The following PLCH1 variants were observed in gnomAD, a reference collection of about 807,000 sequenced individuals.
The protein encoded by PLCH1 is phospholipase C eta 1, also known as 1-phosphatidylinositol 4,5-bisphosphate phosphodiesterase eta-1.
A neutral mutation model predicts 126.7 loss-of-function variants in PLCH1; 60 were observed. That is an observed-to-expected ratio of 0.47 (90% CI 0.38 to 0.59). The LOEUF (loss-of-function observed/expected upper bound fraction) is 0.59, where lower values mean the gene tolerates loss of function less well. Ranked by LOEUF, PLCH1 falls within the 20% of genes least tolerant of loss-of-function variation. The pLI, the probability that PLCH1 is intolerant of heterozygous loss-of-function variation, is 0.00. For synonymous variants in PLCH1, 719 were observed against 734.9 expected (o/e 0.98, Z 0.35); for missense variants, 1,723 against 2,040.0 (o/e 0.84, Z 2.99).
intron 2 of PLCH1, among the ~76,000 whole-genome samples, chr3:155,680,746 A>C (rs554923730): frequency 2.0e-5 from 3 of 152,358 alleles, no homozygotes; most frequent in South Asian, 4.1e-4. Flanking sequence ...CAGAAATATA[A>C]AAATCTATAT....
intron 10 of PLCH1, among the ~76,000 whole-genome samples, chr3:155,546,919 C>G (rs1467104868): frequency 7.4e-6 from 1 of 134,988 alleles, no homozygotes; most frequent in African/African-American, 2.7e-5. Context: ...AACGTTAGAC[C>G]TAAAACCATA....
intron 2 of PLCH1, among the ~76,000 whole-genome samples, chr3:155,701,710 A>G (rs1227324384): frequency 1.3e-5 from 2 of 152,156 alleles, no homozygotes; most frequent in African/African-American, 4.8e-5. Flanking sequence ...TTTTCTCAGA[A>G]ATGTTCTGAA....
intron 2 of PLCH1, among the ~76,000 whole-genome samples, chr3:155,642,359 C>T (rs1046194508): frequency 1.3e-5 from 2 of 152,080 alleles, no homozygotes; most frequent in African/African-American, 2.4e-5. Context: ...GCAGACTCTC[C>T]CACACTGTCT....
At chr3:155,657,333 T>C (rs1741525515) in intron 2 of PLCH1, among the ~76,000 whole-genome samples, 1 of 152,066 alleles carries the variant, frequency 6.6e-6, no homozygotes, top group African/African-American at 2.4e-5. Flanking sequence ...AAGGGGAACC[T>C]AGGAAGAGAT....
At chr3:155,573,529 A>T (rs1179670922) in intron 6 of PLCH1, among the ~76,000 whole-genome samples, 1 of 152,150 alleles carries the variant, frequency 6.6e-6, no homozygotes, top group Non-Finnish European at 1.5e-5. Flanking sequence ...CCTCACCCAC[A>T]TGTCTGTGGT....
chr3:155,515,888 A>T (rs548589281), intron 11 of PLCH1, among the ~76,000 whole-genome samples: 1 of 152,224 alleles, frequency 6.6e-6, no homozygotes, highest in Non-Finnish European at 1.5e-5. Context: ...TCCATTTGCA[A>T]ATCTATTTCT....
chr3:155,641,448 C>A (rs1739392473), intron 2 of PLCH1, among the ~76,000 whole-genome samples: 1 of 151,894 alleles, frequency 6.6e-6, no homozygotes, highest in Admixed American at 6.6e-5. Flanking sequence ...GGAGAGAGGT[C>A]CTCATCAAAA....
intron 8 of PLCH1, among the ~76,000 whole-genome samples, chr3:155,555,789 A>G (rs1297763954): frequency 6.6e-6 from 1 of 152,140 alleles, no homozygotes; most frequent in Non-Finnish European, 1.5e-5. Context: ...CAAAACTAGG[A>G]TCCCCCACAG....
chr3:155,644,662 T>A (rs116890769), intron 2 of PLCH1, among the ~76,000 whole-genome samples: 2 of 152,088 alleles, frequency 1.3e-5, no homozygotes, highest in East Asian at 3.9e-4. Flanking sequence ...AAGCATGCAG[T>A]TAAAGAAACA....
chr3:155,675,143 T>C (rs1243663345), intron 2 of PLCH1, among the ~76,000 whole-genome samples: 1 of 152,184 alleles, frequency 6.6e-6, no homozygotes, highest in Non-Finnish European at 1.5e-5. Context: ...ACTGGGAACA[T>C]GGCACATTAA....
intron 6 of PLCH1, among the ~76,000 whole-genome samples, chr3:155,581,820 C>T (rs1450998452): frequency 6.7e-6 from 1 of 150,236 alleles, no homozygotes; most frequent in Non-Finnish European, 1.5e-5. Flanking sequence ...TATCTCGGCT[C>T]ACCACAACCT....
At chr3:155,564,098 A>G (rs1393816713) in intron 8 of PLCH1, among the ~76,000 whole-genome samples, 2 of 152,000 alleles carry the variant, frequency 1.3e-5, no homozygotes, top group South Asian at 2.1e-4. Flanking sequence ...TAGGTGTACA[A>G]TACCATGCCT....
chr3:155,652,812 C>A (rs1740864447), intron 2 of PLCH1, among the ~76,000 whole-genome samples: 1 of 152,160 alleles, frequency 6.6e-6, no homozygotes, highest in Non-Finnish European at 1.5e-5. Context: ...ATTTCTGCAC[C>A]AAGCCCCACT....
intron 21 of PLCH1, among the ~76,000 whole-genome samples, chr3:155,455,471 A>C (rs1712416533): frequency 6.6e-6 from 1 of 152,244 alleles, no homozygotes; most frequent in African/African-American, 2.4e-5. Flanking sequence ...CTAAGTGTGC[A>C]TTTAAATTTT....
chr3:155,478,144 C>A (rs1029941834), downstream of PLCH1, among the ~76,000 whole-genome samples: 5 of 152,080 alleles, frequency 3.3e-5, no homozygotes, highest in Admixed American at 2.6e-4. Flanking sequence ...AAGCCAGACA[C>A]AGAAAAACAA....
chr3:155,529,415 T>C (rs1722372039), intron 10 of PLCH1, among the ~76,000 whole-genome samples: 2 of 152,076 alleles, frequency 1.3e-5, no homozygotes, highest in Admixed American at 1.3e-4. Context: ...AGCAACGTTT[T>C]ATTTACAGGC....
At chr3:155,743,990 G>C (rs1395182218) in intron 1 of PLCH1, among the ~76,000 whole-genome samples, 1 of 151,792 alleles carries the variant, frequency 6.6e-6, no homozygotes, top group African/African-American at 2.4e-5. Flanking sequence ...ACGGTAACAA[G>C]GGAAGGGAAA....
chr3:155,678,012 G>A (rs1744224705), intron 2 of PLCH1, among the ~76,000 whole-genome samples: 1 of 152,104 alleles, frequency 6.6e-6, no homozygotes, highest in Non-Finnish European at 1.5e-5. Context: ...GGCATCTTGG[G>A]TTTATCTCTT....
chr3:155,675,603 C>T (rs1744007073), intron 2 of PLCH1, among the ~76,000 whole-genome samples: 4 of 152,152 alleles, frequency 2.6e-5, no homozygotes, highest in African/African-American at 9.7e-5. Context: ...TAGCTTTATT[C>T]ATCATTATTC....
Sources: allele counts gnomAD v4.1 joint callset (sites outside exome capture counted in the v4.1 genomes callset), GRCh38; gene constraint gnomAD v4.1.1; transcripts MANE v1.5; gene names NCBI Gene and HGNC (gene_info 2026-07-23, HGNC 2026-07-21).